The following COPS2 variants were observed in gnomAD, a reference collection of about 807,000 sequenced individuals.
The protein encoded by COPS2 is COP9 signalosome complex subunit 2.
Under a neutral mutation model 66.1 loss-of-function variants are expected in COPS2, and 10 were observed. That is an observed-to-expected ratio of 0.15 (90% CI 0.09 to 0.26). The LOEUF (loss-of-function observed/expected upper bound fraction) is 0.26, where lower values mean the gene tolerates loss of function less well. COPS2 is among the 10% of genes least tolerant of loss of function. COPS2 has a pLI of 1.00. For missense variants in COPS2, 215 were observed against 513.3 expected, an observed-to-expected ratio of 0.42 and a Z score of 5.62; for synonymous variants, 179 against 171.3, an observed-to-expected ratio of 1.04 and a Z score of -0.35.
At chr15:49,130,853 G>T in intron 9 of COPS2, 37 bp from the exon 10 acceptor site, 1 of 1,155,498 alleles carries the variant, frequency 8.7e-7, no homozygotes, top group South Asian at 1.3e-5. Flanking sequence ...TGTCAAACAT[G>T]AAGAAGTTAT....
chr15:49,150,182 G>C (rs2084348595), intron 1 of COPS2, among the ~76,000 whole-genome samples: 1 of 151,068 alleles, frequency 6.6e-6, no homozygotes, highest in Non-Finnish European at 1.5e-5. Context: ...CAGCCACTTG[G>C]GAGGCTGAGG....
At chr15:49,130,142 G>T (rs1312316447) in intron 10 of COPS2, among the ~76,000 whole-genome samples, 1 of 152,166 alleles carries the variant, frequency 6.6e-6, no homozygotes, top group Non-Finnish European at 1.5e-5. Flanking sequence ...TGATGCATCT[G>T]AAATTTAGTT....
At chr15:49,145,310 T>G (rs1446004618) in intron 1 of COPS2, among the ~76,000 whole-genome samples, 1 of 152,184 alleles carries the variant, frequency 6.6e-6, no homozygotes, top group East Asian at 1.9e-4. Flanking sequence ...TAATCATTAC[T>G]TTCTTTCAGA....
At chr15:49,144,110 A>C in intron 3 of COPS2, 117 bp downstream of exon 3, 1 of 720,132 alleles carries the variant, frequency 1.4e-6, no homozygotes, top group Non-Finnish European at 2.4e-6. Context: ...GAGCAGACTA[A>C]ATATAAAAAC....
At chr15:49,153,429 G>GA (rs1485252256) in intron 1 of COPS2, among the ~76,000 whole-genome samples, 1 of 152,144 alleles carries the variant, frequency 6.6e-6, no homozygotes, top group Non-Finnish European at 1.5e-5. Context: ...AGAAAGTGGA[G>GA]AAAACAGAAC....
At chr15:49,144,470 A>T (rs2084308535) in intron 2 of COPS2, among the ~76,000 whole-genome samples, 166 bp from the exon 3 acceptor site, 1 of 152,200 alleles carries the variant, frequency 6.6e-6, no homozygotes. Flanking sequence ...AAAAAAAACA[A>T]GTTGTAAGAT....
In COPS2 at chr15:49,134,121, A is replaced by C; in HGVS notation, c.716-13T>G. Reference sequence around the variant, plus strand: ...TTACCACCACATTCTGTGAAGAATAAGACATGAGAAAATAGGACATTTTCA... The same window carrying C: ...TTACCACCACATTCTGTGAAGAATACGACATGAGAAAATAGGACATTTTCA... On this transcript the variant is annotated splice_polypyrimidine_tract_variant and intron_variant, in intron 7 of 12. Coordinates refer to ENST00000388901, the MANE Select transcript of COPS2 (RefSeq NM_004236.4). 1.3e-6 allele frequency: 2 copies of C among 1,595,174 alleles called. No individual in the cohort carries two copies. The highest frequency in any genetic ancestry group is 1.7e-6 in the Non-Finnish European group (2 of 1,171,840).
At chr15:49,147,667 A>C (rs1005749550) in intron 1 of COPS2, among the ~76,000 whole-genome samples, 10 of 148,388 alleles carry the variant, frequency 6.7e-5, no homozygotes, top group African/African-American at 2.5e-4. Context: ...GTTACCTGTA[A>C]CTTCTGGGAC....
intron 1 of COPS2, among the ~76,000 whole-genome samples, chr15:49,147,309 G>A (rs888645996): frequency 6.6e-6 from 1 of 152,018 alleles, no homozygotes; most frequent in Non-Finnish European, 1.5e-5. Flanking sequence ...CCTTGAACCT[G>A]GAAGTAAAAT....
intron 2 of COPS2, among the ~76,000 whole-genome samples, chr15:49,144,568 T>C (rs1005407009): frequency 6.6e-6 from 1 of 152,152 alleles, no homozygotes; most frequent in African/African-American, 2.4e-5. Context: ...CTGAAATATT[T>C]TTTCCCCTGA....
Position 49,133,764 on chromosome 15 carries a change from T to C in COPS2, c.942A>G (p.Leu314=), listed in dbSNP as rs891614030. The change falls in exon 9 of 13, where the codon TTA becomes TTG. Residue 314 remains leucine, a synonymous_variant. Transcript: ENST00000388901. ...ACTGAAATACAAAATCTTACCTTACTAAATTCGTCATTGCTAAAATTTCTG... is the reference window on the plus strand; with the variant it reads ...ACTGAAATACAAAATCTTACCTTACCAAATTCGTCATTGCTAAAATTTCTG... The part of the protein sequence containing the change: ...NDPEILAMTN[L]VSAYQNNDIT... 1.2e-6 allele frequency: 2 copies of C among 1,600,382 alleles called. No individual in the cohort carries two copies. The highest frequency in any genetic ancestry group is 1.7e-6 in the Non-Finnish European group (2 of 1,174,310).
At position 49,129,580 on chromosome 15, in the gene COPS2, A is replaced by G. The variant is rs766859679; in HGVS notation, c.1046-21T>C. ...AAGCTCTGAAAGACAAAAAATTAAA[A>G]TAACATTTTATTTAACAGTTTGTAT... On this transcript the variant is annotated intron_variant, in intron 10 of 12. Transcript: ENST00000388901. The G allele has an allele frequency of 2.7e-5, 35 of 1,284,964 alleles. No individual in the cohort carries two copies. In the South Asian group the frequency reaches 4.7e-4, roughly 17 times the overall value. 79.6% of individuals were successfully genotyped at this position (1,284,964 alleles called of 1,614,324 possible). A position where few individuals can be genotyped will look rare whatever the true frequency, so the allele number is the denominator to read the frequency against.
At chr15:49,154,188 AAAAG>A (rs1245778757) in intron 1 of COPS2, among the ~76,000 whole-genome samples, 10 of 152,332 alleles carry the variant, frequency 6.6e-5, no homozygotes, top group African/African-American at 2.4e-4. Context: ...AAGCACATAT[AAAAG>A]AAACATTTTG....
chr15:49,133,878 CATTT>C, intron 8 of COPS2, 48 bp downstream of exon 8: 4 of 1,540,772 alleles, frequency 2.6e-6, no homozygotes, highest in East Asian at 2.3e-5. Context: ...AAAGAAATAA[CATTT>C]ATTTCCAGAT....
rs1397878001 is a variant in COPS2, at chr15:49,142,146, C to G, written c.246+2081G>C. Among the ~76,000 whole-genome samples, 5 of 152,150 alleles carry G rather than the reference C, an allele frequency of 3.3e-5. No individual in the cohort carries two copies. In the East Asian group the frequency reaches 9.6e-4, roughly 29 times the overall value. ...CAGAAAATGGAAAGAAAGCATGGGG[C>G]TCTGGGCAACATAGAAATGTTTTGA... On this transcript the variant is annotated intron_variant, in intron 3 of 12. Coordinates refer to ENST00000388901, the MANE Select transcript of COPS2 (RefSeq NM_004236.4).
At chr15:49,145,317 C>T (rs905224043) in intron 1 of COPS2, among the ~76,000 whole-genome samples, 1 of 152,234 alleles carries the variant, frequency 6.6e-6, no homozygotes, top group Admixed American at 6.5e-5. Context: ...TACTTTCTTT[C>T]AGATGAAAGC....
chr15:49,155,476 G>A (rs914365677), intron 1 of COPS2, 49 bp downstream of exon 1: 3 of 1,598,956 alleles, frequency 1.9e-6, no homozygotes, highest in African/African-American at 2.7e-5. Context: ...CCCGGACCCC[G>A]AAAACAAGAC....
chr15:49,124,786 T>C lies in COPS2; in HGVS notation c.*3164A>G, dbSNP rs1165753438. ...CAAAAATCTAAATCAAAAGAGAAAT[T>C]TTCAGGTTTAAAAGTGACTAAAATA... is the stretch of plus-strand genomic sequence containing the variant. On this transcript the variant is annotated 3_prime_UTR_variant, in exon 13 of 13. Transcript: ENST00000388901. 6.6e-6 allele frequency: 1 copy of C among 152,082 alleles called. No homozygotes were observed. Among genetic ancestry groups the C allele is most frequent in the African/African-American group, 2.4e-5 (1 of 41,422 alleles). The allele number at this position is 152,082 out of a possible 1,614,324, so 9.4% of individuals were successfully genotyped here.
chr15:49,151,474 G>A lies in COPS2; in HGVS notation c.54+4051C>T, dbSNP rs570361032. ...CAGGACTTACTAAAGACTAATTTTT[G>A]GAATAAAGTCAATTGGTCTTAAATT... On this transcript the variant is annotated intron_variant, in intron 1 of 12. Coordinates refer to ENST00000388901, the MANE Select transcript of COPS2 (RefSeq NM_004236.4). 2.6e-5 allele frequency among the ~76,000 whole-genome samples: 4 copies of A among 151,410 alleles called. No homozygotes were observed. In the South Asian group the frequency reaches 6.3e-4, roughly 24 times the overall value.
Sources: gnomAD v4.1 joint callset for allele counts (sites outside exome capture counted in the v4.1 genomes callset) on GRCh38, gnomAD v4.1.1 for gene constraint, MANE v1.5 for transcripts, NCBI Gene and HGNC (gene_info 2026-07-23, HGNC 2026-07-21) for gene names.